Variants in UGT2B15 observed in about 807,000 individuals in gnomAD.
UGT2B15 encodes the protein UDP glucuronosyltransferase family 2 member B15, also known as UDP-glucuronosyltransferase 2B15.
Under a neutral mutation model 45.9 loss-of-function variants are expected in UGT2B15, and 36 were observed. That is an observed-to-expected ratio of 0.78 (90% CI 0.60 to 1.04). The LOEUF (loss-of-function observed/expected upper bound fraction) is 1.04. UGT2B15 is among the 50% of genes least tolerant of loss of function. The pLI is 0.00. For synonymous variants in UGT2B15, 219 were observed against 216.4 expected (o/e 1.01, Z -0.11); for missense variants, 617 against 622.4 (o/e 0.99, Z 0.09).
intron 3 of UGT2B15, among the ~76,000 whole-genome samples, chr4:68,661,733 C>T (rs944147877): frequency 8.6e-5 from 13 of 152,042 alleles, no homozygotes; most frequent in Non-Finnish European, 1.6e-4. Flanking sequence ...GGAAAAATTT[C>T]AAGTGGCAGT....
chr4:68,658,044 A>G (rs1330619579), intron 3 of UGT2B15, among the ~76,000 whole-genome samples: 1 of 152,090 alleles, frequency 6.6e-6, no homozygotes, highest in Non-Finnish European at 1.5e-5. Flanking sequence ...TTAATATGCA[A>G]ATGTAAGACT....
intron 5 of UGT2B15, among the ~76,000 whole-genome samples, chr4:68,652,642 A>G (rs1732689971): frequency 6.6e-6 from 1 of 151,636 alleles, no homozygotes; most frequent in Admixed American, 6.6e-5. Flanking sequence ...CCTTTGGATT[A>G]TGGAAAAGTT....
rs555099624 is a variant in UGT2B15, at chr4:68,651,357, G to A, written c.1313+2680C>T. On this transcript the variant is annotated intron_variant, in intron 5 of 5. Coordinates refer to ENST00000338206, the MANE Select transcript of UGT2B15 (RefSeq NM_001076.4). ...GGTGTAAGGCAGGGGACTAGTTTCCGTTTTCTGCGTATGGCTAGCCGGTTT... is the reference window on the plus strand; with the variant it reads ...GGTGTAAGGCAGGGGACTAGTTTCCATTTTCTGCGTATGGCTAGCCGGTTT... Among the ~76,000 whole-genome samples, 14 of 152,030 alleles carry A rather than the reference G, an allele frequency of 9.2e-5. 1 individual carries two copies. The highest frequency in any genetic ancestry group is 1.8e-4 in the Non-Finnish European group (12 of 67,982).
At chr4:68,663,975 C>T (rs893309523) in intron 2 of UGT2B15, among the ~76,000 whole-genome samples, 3 of 151,984 alleles carry the variant, frequency 2.0e-5, no homozygotes, top group East Asian at 1.9e-4. Flanking sequence ...CCTGAAATCA[C>T]ACTGTGAATT....
intron 5 of UGT2B15, among the ~76,000 whole-genome samples, chr4:68,647,666 A>G (rs188503565): frequency 7.2e-5 from 11 of 152,192 alleles, no homozygotes; most frequent in Middle Eastern, 3.4e-3. Flanking sequence ...TCTAAGTGCT[A>G]TAAGTAAGAT....
chr4:68,666,623 T>A (rs1285787957), intron 2 of UGT2B15, among the ~76,000 whole-genome samples: 2 of 152,016 alleles, frequency 1.3e-5, no homozygotes, highest in Admixed American at 6.6e-5. Flanking sequence ...ATATTATACA[T>A]TGGGAATATT....
At chr4:68,661,049 A>G (rs1732950868) in intron 3 of UGT2B15, among the ~76,000 whole-genome samples, 1 of 152,022 alleles carries the variant, frequency 6.6e-6, no homozygotes, top group Non-Finnish European at 1.5e-5. Flanking sequence ...AACTTTCCTA[A>G]TAACTCAGGA....
chr4:68,655,054 C>G (rs1340611331), intron 4 of UGT2B15, 41 bp downstream of exon 4: 1 of 1,590,378 alleles, frequency 6.3e-7, no homozygotes, highest in African/African-American at 1.3e-5. Context: ...CTCCAATTTG[C>G]TGTTACTAAT....
At chr4:68,666,752 ATT>A (rs775748401) in intron 2 of UGT2B15, among the ~76,000 whole-genome samples, 35 of 127,858 alleles carry the variant, frequency 2.7e-4, no homozygotes, top group African/African-American at 8.4e-4. Context: ...ATATATATAT[ATT>A]TTTTTTTTTT....
At position 68,647,194 on chromosome 4, in the gene UGT2B15, G is replaced by A. The variant is rs145285645; in HGVS notation, c.1503C>T (p.Cys501=). 1.4e-4 allele frequency: 221 copies of A among 1,613,786 alleles called. 2 individuals carry two copies. Among genetic ancestry groups the A allele is most frequent in the African/African-American group, 1.9e-4 (14 of 74,906 alleles). The change falls in exon 6 of 6, where the codon TGC becomes TGT. Residue 501 remains cysteine (C), a synonymous_variant. Coordinates refer to ENST00000338206, the MANE Select transcript of UGT2B15 (RefSeq NM_001076.4). ...SLDVIAFLLA[C]VATVIFIITK... ...TGATGATAAATATCACAGTTGCCAC[G>A]CAGGCCAGCAGGAATGCTATCACAT...
rs185910525 is a variant in UGT2B15 at position 68,659,792 on chromosome 4, A to G, written c.1005+3216T>C. On this transcript the variant is annotated intron_variant, in intron 3 of 5. Coordinates refer to ENST00000338206, the MANE Select transcript of UGT2B15 (RefSeq NM_001076.4). ...GAGATTGTGACATTAGAATGGAAGA[A>G]AAACTTTCAGGACTCATGGAGAACT... is the stretch of plus-strand genomic sequence containing the variant. Among the ~76,000 whole-genome samples the G allele has an allele frequency of 2.7e-3, 405 of 152,154 alleles. 3 individuals carry two copies. Among genetic ancestry groups the G allele is most frequent in the Non-Finnish European group, 4.8e-3 (329 of 67,976 alleles).
chr4:68,657,020 A>G (rs1732826604), intron 3 of UGT2B15, among the ~76,000 whole-genome samples: 1 of 152,082 alleles, frequency 6.6e-6, no homozygotes, highest in Non-Finnish European at 1.5e-5. Flanking sequence ...AAGAATCCTA[A>G]TTCTAGTTTG....
intron 5 of UGT2B15, among the ~76,000 whole-genome samples, chr4:68,652,976 C>T (rs1055967221): frequency 6.6e-6 from 1 of 151,932 alleles, no homozygotes; most frequent in Non-Finnish European, 1.5e-5. Context: ...CCACTTTACA[C>T]ACACTAGAAT....
At chr4:68,667,161 T>C (rs1352662493) in intron 2 of UGT2B15, among the ~76,000 whole-genome samples, 1 of 151,862 alleles carries the variant, frequency 6.6e-6, no homozygotes, top group Non-Finnish European at 1.5e-5. Context: ...TTTTTTTTTT[T>C]TGTTTATTTG....
chr4:68,668,367 T>C (rs1167083965), intron 1 of UGT2B15, among the ~76,000 whole-genome samples, 179 bp from the exon 2 acceptor site: 1 of 152,198 alleles, frequency 6.6e-6, no homozygotes, highest in East Asian at 1.9e-4. Context: ...ATTTTATTTA[T>C]TGCATATGTT....
intron 3 of UGT2B15, among the ~76,000 whole-genome samples, chr4:68,662,414 A>G (rs1225029855): frequency 6.1e-5 from 9 of 148,714 alleles, no homozygotes; most frequent in South Asian, 2.1e-4. Flanking sequence ...CTCTAAATCT[A>G]CTTGGCTAGG....
Position 68,649,577 on chromosome 4 carries a change from G to A in UGT2B15, c.1314-2194C>T, listed in dbSNP as rs540618405. Among the ~76,000 whole-genome samples, 302 of 151,584 alleles carry A rather than the reference G, an allele frequency of 2.0e-3. 3 individuals carry two copies. The highest frequency in any genetic ancestry group is 3.4e-3 in the Non-Finnish European group (228 of 67,862). On this transcript the variant is annotated intron_variant, in intron 5 of 5. Coordinates refer to ENST00000338206, the MANE Select transcript of UGT2B15 (RefSeq NM_001076.4). ...ATTACAGGTGTGAGCCACCACACCC[G>A]GTCTCCATAAACTCTTTTAAAAATG...
chr4:68,651,921 T>C (rs1732667728), intron 5 of UGT2B15, among the ~76,000 whole-genome samples: 1 of 152,038 alleles, frequency 6.6e-6, no homozygotes, highest in South Asian at 2.1e-4. Context: ...ATGTCAATGG[T>C]AGTTTGATGG....
chr4:68,669,989 C>T lies in UGT2B15; in HGVS notation c.630G>A (p.Glu210=), dbSNP rs1733254324. The T allele has an allele frequency of 6.2e-7, 1 of 1,613,850 alleles. No individual in the cohort carries two copies. Among genetic ancestry groups the T allele is most frequent in the South Asian group, 1.1e-5 (1 of 91,026 alleles). Residue 210 remains glutamate, a synonymous_variant, in exon 1 of 6, where the codon GAG becomes GAA. Transcript: ENST00000338206. ...SELSDQMIFM[E]RIKNMIHMLY... ...GCATATGTATCATATTTTTTATCCTCTCCATGAAAATCATTTGATCACTTA... is the reference window on the plus strand; with the variant it reads ...GCATATGTATCATATTTTTTATCCTTTCCATGAAAATCATTTGATCACTTA...
Sources: gnomAD v4.1 joint callset for allele counts (sites outside exome capture counted in the v4.1 genomes callset) on GRCh38, gnomAD v4.1.1 for gene constraint, MANE v1.5 for transcripts, NCBI Gene and HGNC (gene_info 2026-07-23, HGNC 2026-07-21) for gene names.